The following LPP variants were observed in gnomAD, a reference collection of about 807,000 sequenced individuals.
LPP encodes lipoma-preferred partner.
In LPP, 38 loss-of-function variants were observed where a neutral mutation model predicts 60.4. The observed-to-expected ratio is 0.63, with a 90% CI of 0.49 to 0.83. The LOEUF (loss-of-function observed/expected upper bound fraction) is 0.83, where lower values mean the gene tolerates loss of function less well. Ranked by LOEUF, LPP falls within the 40% of genes least tolerant of loss-of-function variation. LPP has a pLI of 0.00. For missense variants in LPP, 902 were observed against 783.6 expected (o/e 1.15, Z -1.80); for synonymous variants, 328 against 290.8 (o/e 1.13, Z -1.30).
At chr3:188,219,784 C>T (rs368542914) in intron 1 of LPP, among the ~76,000 whole-genome samples, 57 of 152,298 alleles carry the variant, frequency 3.7e-4, no homozygotes, top group African/African-American at 1.2e-3. Flanking sequence ...TACCAACCCC[C>T]AGATATATCT....
rs548825800 is a variant in LPP, at chr3:188,540,269, C to T, written c.429+15482C>T. On this transcript the variant is annotated intron_variant, in intron 6 of 11. Coordinates refer to ENST00000617246, the MANE Select transcript of LPP (RefSeq NM_001375462.1). Reference sequence around the variant, plus strand: ...CTTTGAGTTGGTATTATTTTTGCCCCGTATTAAAGAAAAACTATATTGATA... The same window carrying T: ...CTTTGAGTTGGTATTATTTTTGCCCTGTATTAAAGAAAAACTATATTGATA... Among the ~76,000 whole-genome samples, 8 of 152,028 alleles carry T rather than the reference C, an allele frequency of 5.3e-5. No individual in the cohort carries two copies. The East Asian group carries it at 5.8e-4, about 11-fold the overall frequency.
At chr3:188,330,299 G>A (rs1463460873) in intron 2 of LPP, among the ~76,000 whole-genome samples, 1 of 152,196 alleles carries the variant, frequency 6.6e-6, no homozygotes, top group Non-Finnish European at 1.5e-5. Context: ...ACAATGCTGC[G>A]TGTGAACATA....
chr3:188,753,833 C>T (rs1577352593), intron 8 of LPP, among the ~76,000 whole-genome samples: 2 of 151,998 alleles, frequency 1.3e-5, no homozygotes, highest in South Asian at 2.1e-4. Flanking sequence ...GGGAAACAGA[C>T]ATTGGAGCCA....
chr3:188,445,828 A>C lies in LPP; in HGVS notation c.194-38764A>C, dbSNP rs111717410. On this transcript the variant is annotated intron_variant, in intron 4 of 11. Coordinates refer to ENST00000617246, the MANE Select transcript of LPP (RefSeq NM_001375462.1). ...CTGTGAAAGTCACAGGCACACAGAG[A>C]CACACACATCTCCAACATATGCAGC... is the stretch of plus-strand genomic sequence containing the variant. Among the ~76,000 whole-genome samples the C allele has an allele frequency of 4.3e-3, 655 of 152,322 alleles. 2 individuals carry two copies. The highest frequency in any genetic ancestry group is 0.027 in the Middle Eastern group (8 of 294).
intron 1 of LPP, among the ~76,000 whole-genome samples, chr3:188,225,201 G>A (rs1054030492): frequency 6.6e-6 from 1 of 152,156 alleles, no homozygotes; most frequent in Admixed American, 6.5e-5. Context: ...TAGGAGAGCT[G>A]AGATATGAAC....
At chr3:188,341,397 G>A (rs1220819203) in intron 2 of LPP, among the ~76,000 whole-genome samples, 3 of 152,118 alleles carry the variant, frequency 2.0e-5, no homozygotes, top group Non-Finnish European at 4.4e-5. Flanking sequence ...ATTTTATATG[G>A]TTTCTGTAAA....
At chr3:188,469,138 C>T (rs1205180198) in intron 4 of LPP, among the ~76,000 whole-genome samples, 30 of 152,074 alleles carry the variant, frequency 2.0e-4, no homozygotes, top group Admixed American at 2.0e-3. Context: ...ATTGTGAACT[C>T]TGTATTCTAA....
chr3:188,815,426 T>C (rs1434677934), intron 9 of LPP, among the ~76,000 whole-genome samples: 1 of 152,174 alleles, frequency 6.6e-6, no homozygotes, highest in East Asian at 1.9e-4. Context: ...AAGCACTTCA[T>C]CTTAGACTCA....
intron 9 of LPP, among the ~76,000 whole-genome samples, chr3:188,852,649 A>G (rs1238715895): frequency 6.6e-6 from 1 of 152,190 alleles, no homozygotes; most frequent in African/African-American, 2.4e-5. Context: ...GGAATGACAC[A>G]GTATGAAGGC....
intron 4 of LPP, among the ~76,000 whole-genome samples, chr3:188,417,908 A>C (rs1786745328): frequency 6.6e-6 from 1 of 152,124 alleles, no homozygotes; most frequent in African/African-American, 2.4e-5. Flanking sequence ...TAACTTAATC[A>C]TTTTTTGTTT....
At chr3:188,699,327 AG>A (rs1560082985) in intron 7 of LPP, among the ~76,000 whole-genome samples, 2 of 152,182 alleles carry the variant, frequency 1.3e-5, no homozygotes, top group African/African-American at 2.4e-5. Flanking sequence ...TGCAGAGACC[AG>A]GGCCCCCTGA....
intron 1 of LPP, among the ~76,000 whole-genome samples, 28 bp downstream of exon 1, chr3:188,154,280 C>T (rs1425383976): frequency 1.3e-5 from 2 of 152,182 alleles, no homozygotes; most frequent in South Asian, 2.1e-4. Flanking sequence ...TCCTTCCCCT[C>T]ACCCTCCACC....
chr3:188,731,533 T>TTTGTTTTGTTTTGTTTTGTTTTG (rs1720579173), intron 8 of LPP, among the ~76,000 whole-genome samples: 2 of 152,022 alleles, frequency 1.3e-5, no homozygotes, highest in Non-Finnish European at 2.9e-5. Flanking sequence ...TTTGTTTTGT[T>TTTGTTTTGTTTTGTTTTGTTTTG]TTGTTTTGAG....
At chr3:188,480,049 G>A (rs1265987982) in intron 4 of LPP, among the ~76,000 whole-genome samples, 1 of 152,220 alleles carries the variant, frequency 6.6e-6, no homozygotes, top group Non-Finnish European at 1.5e-5. Context: ...GGTAACCACA[G>A]TGGGGAATAG....
chr3:188,511,813 G>A (rs763149526), intron 5 of LPP, among the ~76,000 whole-genome samples: 3 of 152,150 alleles, frequency 2.0e-5, no homozygotes, highest in South Asian at 2.1e-4. Flanking sequence ...GATAATGGCC[G>A]TACAGAGGGA....
At chr3:188,871,305 G>A (rs929787632) in intron 10 of LPP, among the ~76,000 whole-genome samples, 1 of 152,124 alleles carries the variant, frequency 6.6e-6, no homozygotes, top group Non-Finnish European at 1.5e-5. Context: ...GTAGTCCAAA[G>A]CAATTTTTTG....
chr3:188,816,256 C>T lies in LPP; in HGVS notation c.1411-49944C>T, dbSNP rs558409060. ...TCGCTCTGTCGCCCAGGCTGGAGTGCGGTGGCACGATCTTGGCTCACTCCA... is the reference window on the plus strand; with the variant it reads ...TCGCTCTGTCGCCCAGGCTGGAGTGTGGTGGCACGATCTTGGCTCACTCCA... On this transcript the variant is annotated intron_variant, in intron 9 of 11. Transcript: ENST00000617246. Among the ~76,000 whole-genome samples the T allele has an allele frequency of 9.7e-4, 131 of 134,674 alleles. 2 individuals carry two copies. Among genetic ancestry groups the T allele is most frequent in the Middle Eastern group, 9.4e-3 (2 of 212 alleles). 88.4% of individuals were successfully genotyped at this position (134,674 alleles called of 152,430 possible). A position where few individuals can be genotyped will look rare whatever the true frequency, so the allele number is the denominator to read the frequency against.
At chr3:188,810,624 A>G (rs1165888095) in intron 9 of LPP, among the ~76,000 whole-genome samples, 1 of 152,118 alleles carries the variant, frequency 6.6e-6, no homozygotes, top group Non-Finnish European at 1.5e-5. Flanking sequence ...TATAGGAAAA[A>G]ACAGTATGTA....
chr3:188,558,768 G>T (rs1471556282), intron 6 of LPP, among the ~76,000 whole-genome samples: 1 of 151,962 alleles, frequency 6.6e-6, no homozygotes, highest in Admixed American at 6.6e-5. Context: ...AAAAAAAGTG[G>T]AATAAAACCA....
Sources: allele counts gnomAD v4.1 joint callset (sites outside exome capture counted in the v4.1 genomes callset), GRCh38; gene constraint gnomAD v4.1.1; transcripts MANE v1.5; gene names NCBI Gene and HGNC (gene_info 2026-07-23, HGNC 2026-07-21).